DSCAM: variants seen among roughly 807,000 people sequenced by gnomAD.
The protein encoded by DSCAM is DS cell adhesion molecule.
Under a neutral mutation model 217.7 loss-of-function variants are expected in DSCAM, and 47 were observed. The ratio of observed to expected loss-of-function variants is 0.22; its 90% CI spans 0.17 to 0.28. The LOEUF (loss-of-function observed/expected upper bound fraction) is 0.28, where lower values mean the gene tolerates loss of function less well. Ranked by LOEUF, DSCAM falls within the 10% of genes least tolerant of loss-of-function variation. The probability of loss-of-function intolerance (pLI) is 1.00; values close to 1 mark genes in which losing one functional copy is unlikely to be tolerated. For missense variants in DSCAM, 2,080 were observed against 2,618.3 expected (o/e 0.79, Z 4.49); for synonymous variants, 1,056 against 1,015.3 (o/e 1.04, Z -0.76).
intron 3 of DSCAM, among the ~76,000 whole-genome samples, chr21:40,656,485 A>G (rs553202250): frequency 1.8e-4 from 28 of 152,092 alleles, no homozygotes; most frequent in Middle Eastern, 6.8e-3. Context: ...CAAGTTGACA[A>G]GAAAAAAGCT....
intron 3 of DSCAM, among the ~76,000 whole-genome samples, chr21:40,465,691 T>C (rs189985227): frequency 2.3e-4 from 35 of 152,304 alleles, no homozygotes; most frequent in African/African-American, 7.5e-4. Flanking sequence ...CATTAGGGTA[T>C]TTTATGAGTG....
chr21:40,317,167 T>C (rs1329437932), intron 8 of DSCAM, among the ~76,000 whole-genome samples: 1 of 152,228 alleles, frequency 6.6e-6, no homozygotes. Flanking sequence ...GATGAGGCTG[T>C]GAGCAGGTGG....
intron 16 of DSCAM, among the ~76,000 whole-genome samples, chr21:40,160,513 T>C (rs939172153): frequency 3.9e-5 from 6 of 152,214 alleles, no homozygotes; most frequent in African/African-American, 1.4e-4. Flanking sequence ...GTGAATATTA[T>C]GCATAGTGTG....
intron 3 of DSCAM, among the ~76,000 whole-genome samples, chr21:40,519,281 A>G (rs1173375386): frequency 6.6e-6 from 1 of 152,130 alleles, no homozygotes; most frequent in East Asian, 1.9e-4. Context: ...ATTGCTGTGA[A>G]GGTGTTTTGT....
chr21:40,800,715 CTTT>C (rs34391500), intron 1 of DSCAM, among the ~76,000 whole-genome samples: 6 of 131,058 alleles, frequency 4.6e-5, no homozygotes, highest in Non-Finnish European at 8.1e-5. Flanking sequence ...TTCTTACTTT[CTTT>C]TTTTTTTTTT....
chr21:40,345,847 T>C (rs1474050837), intron 6 of DSCAM, among the ~76,000 whole-genome samples: 1 of 152,224 alleles, frequency 6.6e-6, no homozygotes, highest in Non-Finnish European at 1.5e-5. Flanking sequence ...TGAAGCTTCT[T>C]GTCCTGAATG....
At chr21:40,170,707 C>A (rs181887678) in intron 15 of DSCAM, among the ~76,000 whole-genome samples, 1 of 152,150 alleles carries the variant, frequency 6.6e-6, no homozygotes, top group Non-Finnish European at 1.5e-5. Context: ...GAAAAGCACA[C>A]GGTTTTCCAT....
intron 1 of DSCAM, among the ~76,000 whole-genome samples, chr21:40,722,632 T>C (rs571148788): frequency 9.9e-5 from 15 of 151,994 alleles, no homozygotes; most frequent in South Asian, 2.1e-4. Flanking sequence ...AGAGGACAGA[T>C]AGAAAAAATA....
chr21:40,788,931 C>T (rs2123456816), intron 1 of DSCAM, among the ~76,000 whole-genome samples: 1 of 152,214 alleles, frequency 6.6e-6, no homozygotes, highest in Admixed American at 6.5e-5. Context: ...TAGAGGTAGC[C>T]TTAAAAGAAC....
In DSCAM at chr21:40,715,264, G is replaced by A. The variant is rs537099096; in HGVS notation, c.44-6493C>T. 1.7e-3 allele frequency among the ~76,000 whole-genome samples: 262 copies of A among 152,182 alleles called. 1 individual carries two copies. The highest frequency in any genetic ancestry group is 4.9e-3 in the African/African-American group (203 of 41,508). ...TTCATTATATGCCTGCCTTTATTCCGGAAAGTCAGATCTAGGGGAAGCTGT... is the reference window on the plus strand; with the variant it reads ...TTCATTATATGCCTGCCTTTATTCCAGAAAGTCAGATCTAGGGGAAGCTGT... On this transcript the variant is annotated intron_variant, in intron 1 of 32. Transcript: ENST00000400454.
intron 8 of DSCAM, among the ~76,000 whole-genome samples, chr21:40,315,235 C>T (rs2074182681): frequency 6.7e-6 from 1 of 148,732 alleles, no homozygotes; most frequent in Admixed American, 6.6e-5. Context: ...CTTGTTTCTA[C>T]TAAAAATAAA....
chr21:40,264,336 G>T (rs6517587), intron 11 of DSCAM, among the ~76,000 whole-genome samples: 88,700 of 151,882 alleles, frequency 0.58, 27,351 homozygotes, highest in African/African-American at 0.79. Flanking sequence ...ATAGCAAATC[G>T]AATCCAATAG....
intron 20 of DSCAM, among the ~76,000 whole-genome samples, chr21:40,108,657 A>C (rs1276010274): frequency 6.6e-6 from 1 of 152,216 alleles, no homozygotes; most frequent in African/African-American, 2.4e-5. Context: ...TATTTTAAAA[A>C]TTCAGTTGGA....
chr21:40,273,254 ACT>A (rs1393069183), intron 11 of DSCAM, among the ~76,000 whole-genome samples: 1 of 152,084 alleles, frequency 6.6e-6, no homozygotes, highest in Non-Finnish European at 1.5e-5. Context: ...TTTCATGATA[ACT>A]CTATGAAGAT....
At chr21:40,814,888 T>C (rs1033480975) in intron 1 of DSCAM, among the ~76,000 whole-genome samples, 4 of 152,330 alleles carry the variant, frequency 2.6e-5, no homozygotes, top group East Asian at 1.9e-4. Flanking sequence ...CCATTGATCT[T>C]GTATTCTTAT....
At chr21:40,766,331 G>GTA (rs141505117) in intron 1 of DSCAM, among the ~76,000 whole-genome samples, 5,094 of 148,248 alleles carry the variant, frequency 0.034, 94 homozygotes, top group Middle Eastern at 0.049. Context: ...TGGTATGTGT[G>GTA]TATATATATA....
At chr21:40,107,600 G>T (rs1460326999) in intron 20 of DSCAM, among the ~76,000 whole-genome samples, 3 of 152,028 alleles carry the variant, frequency 2.0e-5, no homozygotes, top group Non-Finnish European at 4.4e-5. Context: ...TGTCAGTGGG[G>T]TGTTAAAGTC....
chr21:40,456,227 G>C (rs753383169), intron 3 of DSCAM, among the ~76,000 whole-genome samples: 7 of 151,768 alleles, frequency 4.6e-5, no homozygotes, highest in Non-Finnish European at 8.8e-5. Flanking sequence ...TAAAAATTTA[G>C]CAAGAACTGT....
intron 1 of DSCAM, among the ~76,000 whole-genome samples, chr21:40,717,852 T>C (rs909031384): frequency 6.6e-6 from 1 of 152,196 alleles, no homozygotes; most frequent in African/African-American, 2.4e-5. Context: ...AATGAAAGTT[T>C]TGACAATGAA....
Sources: allele counts gnomAD v4.1 joint callset (sites outside exome capture counted in the v4.1 genomes callset), GRCh38; gene constraint gnomAD v4.1.1; transcripts MANE v1.5; gene names NCBI Gene and HGNC (gene_info 2026-07-23, HGNC 2026-07-21).